Variants in GATAD2A observed in about 807,000 individuals in gnomAD.
GATAD2A encodes the protein transcriptional repressor p66-alpha.
Under a neutral mutation model 68.5 loss-of-function variants are expected in GATAD2A, and 12 were observed. That is an observed-to-expected ratio of 0.18 (90% CI 0.11 to 0.28). The LOEUF (loss-of-function observed/expected upper bound fraction) is 0.28, where lower values mean the gene tolerates loss of function less well. GATAD2A is among the 10% of genes least tolerant of loss of function. The pLI is 1.00. For synonymous variants in GATAD2A, 410 were observed against 375.3 expected (o/e 1.09, Z -1.07); for missense variants, 755 against 868.5 (o/e 0.87, Z 1.64).
rs186256082 is a variant in GATAD2A, at chr19:19,414,269, G to C, written c.-7+8250G>C. On this transcript the variant is annotated intron_variant, in intron 1 of 11. Coordinates refer to ENST00000683918, the MANE Select transcript of GATAD2A (RefSeq NM_001384528.1). ...CAGACAAACTGAGGATTCTACCTGG[G>C]ACTTTCTTCTGTGTACTGTGCTCTG... Among the ~76,000 whole-genome samples the C allele has an allele frequency of 6.6e-5, 10 of 152,242 alleles. No individual in the cohort carries two copies. In the East Asian group the frequency reaches 1.5e-3, roughly 24 times the overall value.
chr19:19,486,749 ATCCCCC>A (rs2059459675), intron 2 of GATAD2A, among the ~76,000 whole-genome samples: 1 of 152,062 alleles, frequency 6.6e-6, no homozygotes, highest in South Asian at 2.1e-4. Flanking sequence ...GGGCTGCCTG[ATCCCCC>A]TGCAGCCAGC....
At chr19:19,452,469 C>T (rs2056491639) in intron 1 of GATAD2A, among the ~76,000 whole-genome samples, 2 of 152,128 alleles carry the variant, frequency 1.3e-5, no homozygotes, top group South Asian at 4.1e-4. Flanking sequence ...TGGTTGTCCA[C>T]CTGTTGAACT....
At chr19:19,504,854 G>C (rs1340026231) in intron 11 of GATAD2A, among the ~76,000 whole-genome samples, 1 of 152,050 alleles carries the variant, frequency 6.6e-6, no homozygotes, top group Middle Eastern at 3.4e-3. Context: ...TGTTGCCCAG[G>C]CTGGTCTCTA....
chr19:19,506,163 C>T lies in GATAD2A; in HGVS notation c.*689C>T, dbSNP rs541874535. The T allele has an allele frequency of 1.3e-5, 5 of 398,666 alleles. No homozygotes were observed. The highest frequency in any genetic ancestry group is 7.1e-5 in the East Asian group (2 of 28,050). The allele number at this position is 398,666 out of a possible 1,614,324, so 24.7% of individuals were successfully genotyped here. On this transcript the variant is annotated 3_prime_UTR_variant, in exon 12 of 12. Coordinates refer to ENST00000683918, the MANE Select transcript of GATAD2A (RefSeq NM_001384528.1). ...ACTGACTGACAGATGCAGGGATGGC[C>T]GAGGCAGCCCTCGCTCCAGCTGAAC...
rs561087960 is a variant in GATAD2A, at chr19:19,436,284, C to T, written c.-6-29056C>T. Reference sequence around the variant, plus strand: ...CACGCATCCAGCAGGCTTCGGTCAGCTTCTTGGACACTTTAAAGTGAGTGC... The same window carrying T: ...CACGCATCCAGCAGGCTTCGGTCAGTTTCTTGGACACTTTAAAGTGAGTGC... On this transcript the variant is annotated intron_variant, in intron 1 of 11. Transcript: ENST00000683918. 3.3e-5 allele frequency: 28 copies of T among 848,184 alleles called. No individual in the cohort carries two copies. The East Asian group carries it at 1.3e-3, about 40-fold the overall frequency. 52.5% of individuals were successfully genotyped at this position (848,184 alleles called of 1,614,324 possible). A position where few individuals can be genotyped will look rare whatever the true frequency, so the allele number is the denominator to read the frequency against.
At chr19:19,504,640 C>CT (rs36052091) in intron 11 of GATAD2A, among the ~76,000 whole-genome samples, 3,432 of 137,084 alleles carry the variant, frequency 0.025, 98 homozygotes, top group South Asian at 0.13. Context: ...TTTTTTTTTC[C>CT]TTTTTTTTTT....
chr19:19,485,243 C>G (rs966777066), intron 2 of GATAD2A, among the ~76,000 whole-genome samples: 1 of 152,224 alleles, frequency 6.6e-6, no homozygotes, highest in Non-Finnish European at 1.5e-5. Context: ...TGGGTTAGCT[C>G]CCCAGGGGCC....
At chr19:19,467,416 A>T (rs1313752443) in intron 2 of GATAD2A, among the ~76,000 whole-genome samples, 5 of 152,120 alleles carry the variant, frequency 3.3e-5, no homozygotes. Flanking sequence ...AAGCCCCCTC[A>T]TGCTTGCTTG....
intron 1 of GATAD2A, among the ~76,000 whole-genome samples, chr19:19,399,482 C>T (rs967129662): frequency 6.6e-6 from 1 of 152,164 alleles, no homozygotes; most frequent in African/African-American, 2.4e-5. Context: ...TGAGCCACCT[C>T]GCCCAGCCAA....
At chr19:19,471,563 G>A (rs1157713862) in intron 2 of GATAD2A, among the ~76,000 whole-genome samples, 1 of 152,146 alleles carries the variant, frequency 6.6e-6, no homozygotes, top group African/African-American at 2.4e-5. Flanking sequence ...GCACGTTTTG[G>A]GAAGATGGAA....
At chr19:19,429,996 G>A (rs1001160156) in intron 1 of GATAD2A, among the ~76,000 whole-genome samples, 2 of 152,052 alleles carry the variant, frequency 1.3e-5, no homozygotes, top group Non-Finnish European at 2.9e-5. Flanking sequence ...TGCTGCTGTG[G>A]CTAGGGCTAC....
chr19:19,391,542 A>T (rs2048846029), intron 1 of GATAD2A, among the ~76,000 whole-genome samples: 1 of 152,236 alleles, frequency 6.6e-6, no homozygotes, highest in African/African-American at 2.4e-5. Context: ...CCCCTTTAAA[A>T]TTATGCTATG....
intron 1 of GATAD2A, among the ~76,000 whole-genome samples, chr19:19,443,976 C>T (rs1326118373): frequency 6.6e-6 from 1 of 152,124 alleles, no homozygotes; most frequent in Admixed American, 6.5e-5. Flanking sequence ...GTAATTACAA[C>T]ACTCACAGCT....
chr19:19,396,855 C>T (rs565385681), intron 1 of GATAD2A, among the ~76,000 whole-genome samples: 3 of 152,122 alleles, frequency 2.0e-5, no homozygotes, highest in South Asian at 4.2e-4. Context: ...ATTACAGGCG[C>T]CTGCCACCAT....
intron 1 of GATAD2A, among the ~76,000 whole-genome samples, chr19:19,425,801 T>G (rs1655891843): frequency 6.6e-6 from 1 of 151,826 alleles, no homozygotes; most frequent in South Asian, 2.1e-4. Flanking sequence ...TTTTCTTTTT[T>G]TTTTTTTAGA....
chr19:19,505,581 C>G lies in GATAD2A; in HGVS notation c.*107C>G. The G allele has an allele frequency of 2.0e-6, 2 of 1,015,240 alleles. No homozygotes were observed. The highest frequency in any genetic ancestry group is 3.5e-5 in the South Asian group (2 of 57,606). 62.9% of individuals were successfully genotyped at this position (1,015,240 alleles called of 1,614,324 possible). ...CGCTGGCTCGGGAAGACACCGTGCC[C>G]GCCCCAAGAGCAAGCACCGGCCATG... On this transcript the variant is annotated 3_prime_UTR_variant, in exon 12 of 12. Coordinates refer to ENST00000683918, the MANE Select transcript of GATAD2A (RefSeq NM_001384528.1).
intron 2 of GATAD2A, among the ~76,000 whole-genome samples, chr19:19,488,730 A>G (rs1416324470): frequency 6.6e-6 from 1 of 152,158 alleles, no homozygotes; most frequent in African/African-American, 2.4e-5. Flanking sequence ...AGCGGGTGAG[A>G]CCATTTACGC....
At chr19:19,425,969 G>A (rs2053039446) in intron 1 of GATAD2A, among the ~76,000 whole-genome samples, 1 of 151,978 alleles carries the variant, frequency 6.6e-6, no homozygotes, top group African/African-American at 2.4e-5. Context: ...TGTATTTTTT[G>A]TAGGGATGGT....
chr19:19,470,151 T>TTTA (rs1555712323), intron 2 of GATAD2A, among the ~76,000 whole-genome samples: 2 of 137,392 alleles, frequency 1.5e-5, no homozygotes, highest in Admixed American at 7.3e-5. Context: ...TTATTTTTTT[T>TTTA]TTTGTTTTTT....
Sources: gnomAD v4.1 joint callset for allele counts (sites outside exome capture counted in the v4.1 genomes callset) on GRCh38, gnomAD v4.1.1 for gene constraint, MANE v1.5 for transcripts, NCBI Gene and HGNC (gene_info 2026-07-23, HGNC 2026-07-21) for gene names.